Variants in LHX5 observed in about 807,000 individuals in gnomAD.
LHX5 encodes LIM homeobox 5.
Under a neutral mutation model 30.6 loss-of-function variants are expected in LHX5, and 5 were observed. The observed-to-expected ratio is 0.16, with a 90% CI of 0.09 to 0.34. The LOEUF (loss-of-function observed/expected upper bound fraction) is 0.34. Ranked by LOEUF, LHX5 falls within the 10% of genes least tolerant of loss-of-function variation. LHX5 has a pLI of 1.00. For missense variants in LHX5, 458 were observed against 570.6 expected, an observed-to-expected ratio of 0.80 and a Z score of 2.01; for synonymous variants, 266 against 252.6, an observed-to-expected ratio of 1.05 and a Z score of -0.50.
rs1225675175 is a variant in LHX5, at chr12:113,463,494, G to A, written c.905C>T (p.Ser302Leu). The change falls in exon 5 of 5, where the codon TCG (serine) becomes TTG (leucine). Residue 302 changes from serine (S) to leucine (L), a missense_variant. Ser to Leu is a moderately radical substitution (Grantham distance 145). Transcript: ENST00000261731. The surrounding 1 kb of genome is among the most constrained non-coding windows in gnomAD (Gnocchi z 6.7). ...NYDFFAHGPP[S>L]QAQSPADSSF... The stretch of plus-strand genomic sequence containing the variant: ...GGAGTCGGCCGGGGACTGCGCCTGC[G>A]AAGGCGGGCCGTGCGCGAAGAAGTC... 1 of 1,566,850 alleles carries A rather than the reference G, an allele frequency of 6.4e-7. No homozygotes were observed. Among genetic ancestry groups the A allele is most frequent in the Non-Finnish European group, 8.6e-7 (1 of 1,163,728 alleles).
Position 113,463,983 on chromosome 12 carries a change from G to A in LHX5, c.842-426C>T, listed in dbSNP as rs1204348290. On this transcript the variant is annotated intron_variant, in intron 4 of 4. Transcript: ENST00000261731. This position sits in a 1 kb window ranked among gnomAD's most constrained non-coding sequence, Gnocchi z 6.7. ...GTCGGTGAGAGACACAGAGATGCGG[G>A]ACAGCGAGAGACAGACGGAGAGATC... Among the ~76,000 whole-genome samples the A allele has an allele frequency of 2.0e-5, 3 of 152,218 alleles. No individual in the cohort carries two copies. Among genetic ancestry groups the A allele is most frequent in the Admixed American group, 1.3e-4 (2 of 15,292 alleles).
chr12:113,463,063 G>C lies in LHX5; in HGVS notation c.*127C>G, dbSNP rs1000863871. ...GAGGAGCAGCTGCCAGTTGAGTGCG[G>C]ACCCGAGAGAGAACCCCCGAGGGAC... On this transcript the variant is annotated 3_prime_UTR_variant, in exon 5 of 5. Transcript: ENST00000261731. This position sits in a 1 kb window ranked among gnomAD's most constrained non-coding sequence, Gnocchi z 6.7. The C allele has an allele frequency of 2.4e-6, 2 of 823,012 alleles. No homozygotes were observed. Among genetic ancestry groups the C allele is most frequent in the Non-Finnish European group, 1.8e-6 (1 of 565,556 alleles). The allele number at this position is 823,012 out of a possible 1,614,324, so 51.0% of individuals were successfully genotyped here. A position where few individuals can be genotyped will look rare whatever the true frequency, so the allele number is the denominator to read the frequency against.
intron 1 of LHX5, among the ~76,000 whole-genome samples, chr12:113,470,384 G>A (rs1395534879): frequency 6.6e-6 from 1 of 152,246 alleles, no homozygotes; most frequent in Admixed American, 6.5e-5. Context: ...AAATCATTAG[G>A]CACTTTGCAA....
chr12:113,467,985 A>C lies in LHX5; in HGVS notation c.675+142T>G. On this transcript the variant is annotated intron_variant, in intron 3 of 4. Transcript: ENST00000261731. The surrounding 1 kb of genome is among the most constrained non-coding windows in gnomAD (Gnocchi z 6.3). ...GGTTCACAGTCCCCGACCTCGGGCA[A>C]GTGCCCCACTCGGGCGCACGGTCTG... is the stretch of plus-strand genomic sequence containing the variant. The C allele has an allele frequency of 8.5e-7, 1 of 1,179,724 alleles. No homozygotes were observed. Among genetic ancestry groups the C allele is most frequent in the Non-Finnish European group, 1.2e-6 (1 of 867,968 alleles). The allele number at this position is 1,179,724 out of a possible 1,614,324, so 73.1% of individuals were successfully genotyped here.
chr12:113,471,365 G>T lies in LHX5; in HGVS notation c.134C>A (p.Ser45Ter), dbSNP rs1958249646. ...CKTNLSEKCF[S>*]REGKLYCKND... ...TTTGCAGTAGAGCTTGCCCTCGCGC[G>T]AGAAGCACTTCTCCGAGAGGTTGGT... Residue 45 changes from serine (S) to a stop codon, truncating the protein, a stop_gained, in exon 1 of 5, where the codon TCG (serine) becomes TAG (stop). Coordinates refer to ENST00000261731, the MANE Select transcript of LHX5 (RefSeq NM_022363.3). LOFTEE classifies it high-confidence loss of function. The T allele has an allele frequency of 6.2e-7, 1 of 1,613,938 alleles. No individual in the cohort carries two copies. The highest frequency in any genetic ancestry group is 8.5e-7 in the Non-Finnish European group (1 of 1,179,944).
intron 1 of LHX5, among the ~76,000 whole-genome samples, chr12:113,470,609 C>A (rs1161649637): frequency 6.6e-6 from 1 of 152,210 alleles, no homozygotes; most frequent in Admixed American, 6.5e-5. Context: ...ACAGGTAGGG[C>A]TCAGCTGCCC....
intron 1 of LHX5, among the ~76,000 whole-genome samples, chr12:113,471,090 G>A (rs541611140): frequency 2.0e-5 from 3 of 152,222 alleles, no homozygotes; most frequent in Non-Finnish European, 4.4e-5. Flanking sequence ...CCCCGCCAGC[G>A]CTCTGAGCCG....
chr12:113,463,024 C>A lies in LHX5; in HGVS notation c.*166G>T. On this transcript the variant is annotated 3_prime_UTR_variant, in exon 5 of 5. Coordinates refer to ENST00000261731, the MANE Select transcript of LHX5 (RefSeq NM_022363.3). The surrounding 1 kb of genome is among the most constrained non-coding windows in gnomAD (Gnocchi z 6.7). The stretch of plus-strand genomic sequence containing the variant: ...GGGTGGAGATGGGGGTCGGCCCCCC[C>A]TCGGCGCCCAGCCGAGGAGCAGCTG... 1 of 623,860 alleles carries A rather than the reference C, an allele frequency of 1.6e-6. No homozygotes were observed. Among genetic ancestry groups the A allele is most frequent in the Non-Finnish European group, 2.6e-6 (1 of 388,566 alleles). 38.6% of individuals were successfully genotyped at this position (623,860 alleles called of 1,614,324 possible).
At position 113,463,206 on chromosome 12, in the gene LHX5, T is replaced by TACCACA. The variant is rs1958187233; in HGVS notation, c.1192_1193insTGTGGT (p.Glu398delinsValTrpTer). ...CCGGCGGCCTTACCACACGGCGGCTTCGTTGAGCTCGGGGTTGGGATGCGA... is the reference window on the plus strand; with the variant it reads ...CCGGCGGCCTTACCACACGGCGGCTTACCACACGTTGAGCTCGGGGTTGGGATGCGA... On this transcript the variant is annotated stop_gained and protein_altering_variant, in exon 5 of 5. Coordinates refer to ENST00000261731, the MANE Select transcript of LHX5 (RefSeq NM_022363.3). LOFTEE classifies it high-confidence loss of function. The surrounding 1 kb of genome is among the most constrained non-coding windows in gnomAD (Gnocchi z 6.7). 6.6e-7 allele frequency: 1 copy of TACCACA among 1,518,134 alleles called. No individual in the cohort carries two copies. The highest frequency in any genetic ancestry group is 2.6e-5 in the East Asian group (1 of 37,934). 94.0% of individuals were successfully genotyped at this position (1,518,134 alleles called of 1,614,324 possible). A position where few individuals can be genotyped will look rare whatever the true frequency, so the allele number is the denominator to read the frequency against.
In LHX5 at chr12:113,468,117, CG is replaced by C; in HGVS notation, c.675+9del. The C allele has an allele frequency of 6.5e-7, 1 of 1,540,982 alleles. No homozygotes were observed. Among genetic ancestry groups the C allele is most frequent in the Non-Finnish European group, 8.7e-7 (1 of 1,146,146 alleles). ...CGGGGCTAAGGAGCTGTGCCCGCCCCGGGCCGCACCTGGATGACGCGCATGT... is the reference window on the plus strand; with the variant it reads ...CGGGGCTAAGGAGCTGTGCCCGCCCCGGCCGCACCTGGATGACGCGCATGT... On this transcript the variant is annotated intron_variant, in intron 3 of 4. Coordinates refer to ENST00000261731, the MANE Select transcript of LHX5 (RefSeq NM_022363.3).
Position 113,467,516 on chromosome 12 carries a change from T to C in LHX5, c.676-95A>G. ...GACTGGGCTGCCCCTGCTGGGTCCT[T>C]GCGCCTCTTCCGCACCAGGACTCCC... On this transcript the variant is annotated intron_variant, in intron 3 of 4. Coordinates refer to ENST00000261731, the MANE Select transcript of LHX5 (RefSeq NM_022363.3). This position sits in a 1 kb window ranked among gnomAD's most constrained non-coding sequence, Gnocchi z 6.3. 8.5e-7 allele frequency: 1 copy of C among 1,176,466 alleles called. No homozygotes were observed. The highest frequency in any genetic ancestry group is 1.1e-6 in the Non-Finnish European group (1 of 884,344). The allele number at this position is 1,176,466 out of a possible 1,614,324, so 72.9% of individuals were successfully genotyped here. A position where few individuals can be genotyped will look rare whatever the true frequency, so the allele number is the denominator to read the frequency against.
rs1958204060 is a variant in LHX5, at chr12:113,465,009, C to A, written c.842-1452G>T. 6.6e-6 allele frequency among the ~76,000 whole-genome samples: 1 copy of A among 152,112 alleles called. No homozygotes were observed. The highest frequency in any genetic ancestry group is 1.5e-5 in the Non-Finnish European group (1 of 68,018). On this transcript the variant is annotated intron_variant, in intron 4 of 4. Transcript: ENST00000261731. This position sits in a 1 kb window ranked among gnomAD's most constrained non-coding sequence, Gnocchi z 6.7. The stretch of plus-strand genomic sequence containing the variant: ...CCGCTTTGTACGGCGGGAAAACCAG[C>A]GAGTCCAGAAGCCTGAGTCTCTTCT...
Position 113,464,106 on chromosome 12 carries a change from T to G in LHX5, c.842-549A>C. On this transcript the variant is annotated intron_variant, in intron 4 of 4. Transcript: ENST00000261731. The surrounding 1 kb of genome is among the most constrained non-coding windows in gnomAD (Gnocchi z 6.2). ...GAGACATCGGAGGGTCGCGGAGGAG[T>G]CGAGGAGACGCAGAGAGAGGAAAGA... 6.8e-6 allele frequency among the ~76,000 whole-genome samples: 1 copy of G among 147,446 alleles called. No individual in the cohort carries two copies.
rs1431339212 is a variant in LHX5 at position 113,463,283 on chromosome 12, C to T, written c.1116G>A (p.Gly372=). 2 of 1,526,346 alleles carry T rather than the reference C, an allele frequency of 1.3e-6. No individual in the cohort carries two copies. Among genetic ancestry groups the T allele is most frequent in the Middle Eastern group, 1.9e-4 (1 of 5,374 alleles). 94.6% of individuals were successfully genotyped at this position (1,526,346 alleles called of 1,614,324 possible). A position where few individuals can be genotyped will look rare whatever the true frequency, so the allele number is the denominator to read the frequency against. The change falls in exon 5 of 5, where the codon GGG becomes GGA. Residue 372 remains glycine, a synonymous_variant. Transcript: ENST00000261731. This position sits in a 1 kb window ranked among gnomAD's most constrained non-coding sequence, Gnocchi z 6.7. The part of the protein sequence containing the change: ...HPMPGEVFSG[G]PSPPFPMSGT... ...CGCTCATTGGGAAGGGCGGGCTGGGCCCGCCGCTGAATACCTCGCCGGGCA... is the reference window on the plus strand; with the variant it reads ...CGCTCATTGGGAAGGGCGGGCTGGGTCCGCCGCTGAATACCTCGCCGGGCA...
rs768539640 is a variant in LHX5, at chr12:113,467,349, C to G, written c.748G>C (p.Ala250Pro). 8.2e-6 allele frequency: 13 copies of G among 1,588,880 alleles called. No homozygotes were observed. Among genetic ancestry groups the G allele is most frequent in the African/African-American group, 1.3e-5 (1 of 74,324 alleles). ...ATGCGCCGCGGACTCCGGAAGAAGGCGTGCCTCCGGGCGCCTAGGGCGCTC... is the reference window on the plus strand; with the variant it reads ...ATGCGCCGCGGACTCCGGAAGAAGGGGTGCCTCCGGGCGCCTAGGGCGCTC... ...QLSALGARRH[A>P]FFRSPRRMRP... The change falls in exon 4 of 5, where the codon GCC becomes CCC. Residue 250 changes from alanine to proline, a missense_variant. By Grantham distance (27) the Ala-to-Pro change is conservative (BLOSUM62 -1). This residue lies in a region of LHX5 where 255 missense variants were observed against 246.8 expected (regional missense o/e 1.03). Transcript: ENST00000261731. This position sits in a 1 kb window ranked among gnomAD's most constrained non-coding sequence, Gnocchi z 6.3.
chr12:113,463,679 A>G lies in LHX5; in HGVS notation c.842-122T>C. On this transcript the variant is annotated intron_variant, in intron 4 of 4. Transcript: ENST00000261731. The surrounding 1 kb of genome is among the most constrained non-coding windows in gnomAD (Gnocchi z 6.7). ...GAGGGGAGCGCGCGACACCGACCCAAGGTTAGAGAGACCTGCGGAGGCCGG... is the reference window on the plus strand; with the variant it reads ...GAGGGGAGCGCGCGACACCGACCCAGGGTTAGAGAGACCTGCGGAGGCCGG... 1 of 1,046,512 alleles carries G rather than the reference A, an allele frequency of 9.6e-7. No individual in the cohort carries two copies. The highest frequency in any genetic ancestry group is 1.7e-5 in the South Asian group (1 of 59,088). The allele number at this position is 1,046,512 out of a possible 1,614,324, so 64.8% of individuals were successfully genotyped here.
Position 113,463,695 on chromosome 12 carries a change from C to T in LHX5, c.842-138G>A. On this transcript the variant is annotated intron_variant, in intron 4 of 4. Transcript: ENST00000261731. The surrounding 1 kb of genome is among the most constrained non-coding windows in gnomAD (Gnocchi z 6.7). ...ACCGACCCAAGGTTAGAGAGACCTGCGGAGGCCGGCGCCCCTTGAGACGGT... is the reference window on the plus strand; with the variant it reads ...ACCGACCCAAGGTTAGAGAGACCTGTGGAGGCCGGCGCCCCTTGAGACGGT... 4 of 855,240 alleles carry T rather than the reference C, an allele frequency of 4.7e-6. No individual in the cohort carries two copies. Among genetic ancestry groups the T allele is most frequent in the Non-Finnish European group, 6.9e-6 (4 of 577,918 alleles). 53.0% of individuals were successfully genotyped at this position (855,240 alleles called of 1,614,324 possible). A position where few individuals can be genotyped will look rare whatever the true frequency, so the allele number is the denominator to read the frequency against.
chr12:113,464,309 C>A lies in LHX5; in HGVS notation c.842-752G>T, dbSNP rs1238259305. 6.6e-6 allele frequency among the ~76,000 whole-genome samples: 1 copy of A among 152,188 alleles called. No individual in the cohort carries two copies. The highest frequency in any genetic ancestry group is 1.5e-5 in the Non-Finnish European group (1 of 68,030). ...GACAGGCCCGGGGAGAGGAACCGGG[C>A]AGGGACAAACCAGCGGACAGAGCAG... On this transcript the variant is annotated intron_variant, in intron 4 of 4. Transcript: ENST00000261731. The surrounding 1 kb of genome is among the most constrained non-coding windows in gnomAD (Gnocchi z 6.2).
Position 113,467,322 on chromosome 12 carries a change from G to T in LHX5, c.775C>A (p.Arg259Ser). 6.3e-7 allele frequency: 1 copy of T among 1,575,372 alleles called. No individual in the cohort carries two copies. Among genetic ancestry groups the T allele is most frequent in the Non-Finnish European group, 8.6e-7 (1 of 1,157,290 alleles). Residue 259 changes from arginine to serine, a missense_variant, in exon 4 of 5, where the codon CGT becomes AGT. Physicochemically the swap from Arg to Ser is moderately radical, Grantham distance 110 (BLOSUM62 -1). Transcript: ENST00000261731. This position sits in a 1 kb window ranked among gnomAD's most constrained non-coding sequence, Gnocchi z 6.3. ...HAFFRSPRRM[R>S]PLGGRLDESE... is the part of the protein sequence containing the mutation. The stretch of plus-strand genomic sequence containing the variant: ...TCGTCCAAGCGGCCGCCCAGCGGAC[G>T]CATGCGCCGCGGACTCCGGAAGAAG...
Sources: gnomAD v4.1 joint callset for allele counts (sites outside exome capture counted in the v4.1 genomes callset) on GRCh38, gnomAD v4.1.1 for gene constraint, gnomAD v4.1.1 regional missense constraint, Gnocchi (gnomAD v3.1) non-coding constraint, MANE v1.5 for transcripts, NCBI Gene and HGNC (gene_info 2026-07-23, HGNC 2026-07-21) for gene names.